STAG1: variants seen among roughly 807,000 people sequenced by gnomAD.
STAG1 encodes the protein cohesin subunit SA-1.
A neutral mutation model predicts 170.9 loss-of-function variants in STAG1; 26 were observed. The ratio of observed to expected loss-of-function variants is 0.15; its 90% confidence interval spans 0.11 to 0.21. STAG1 has a LOEUF of 0.21. Among genes scored for constraint, STAG1 ranks in the 10% least tolerant of loss-of-function variants. The pLI, the probability that STAG1 is intolerant of heterozygous loss-of-function variation, is 1.00. For missense variants in STAG1, 964 were observed against 1,509.5 expected, an observed-to-expected ratio of 0.64 and a Z score of 5.99; for synonymous variants, 514 against 497.7, an observed-to-expected ratio of 1.03 and a Z score of -0.44.
At chr3:136,617,104 G>A (rs1351855871) in intron 3 of STAG1, among the ~76,000 whole-genome samples, 1 of 152,114 alleles carries the variant, frequency 6.6e-6, no homozygotes, top group Non-Finnish European at 1.5e-5. Context: ...AACAGTTCAT[G>A]TCAGCATGGT....
chr3:136,403,991 C>A (rs2087410565), intron 21 of STAG1, among the ~76,000 whole-genome samples: 1 of 152,174 alleles, frequency 6.6e-6, no homozygotes, highest in South Asian at 2.1e-4. Flanking sequence ...AATTCTATAA[C>A]AATATAGCTT....
chr3:136,489,320 T>C (rs2090077380), intron 9 of STAG1, among the ~76,000 whole-genome samples: 1 of 152,210 alleles, frequency 6.6e-6, no homozygotes, highest in Non-Finnish European at 1.5e-5. Context: ...TCTCAGCAGA[T>C]GGAAGTTTAA....
chr3:136,619,218 G>A (rs1434105458), intron 3 of STAG1, among the ~76,000 whole-genome samples: 10 of 150,914 alleles, frequency 6.6e-5, no homozygotes, highest in Non-Finnish European at 1.0e-4. Flanking sequence ...AGGGCAGGGG[G>A]TGGGGCAGTG....
intron 22 of STAG1, among the ~76,000 whole-genome samples, chr3:136,386,866 A>C (rs1182156807): frequency 6.6e-6 from 1 of 152,240 alleles, no homozygotes; most frequent in Non-Finnish European, 1.5e-5. Context: ...GGAAAAACTA[A>C]TTAGTAAACA....
chr3:136,551,715 C>T (rs980034263), intron 5 of STAG1, among the ~76,000 whole-genome samples: 1 of 151,846 alleles, frequency 6.6e-6, no homozygotes, highest in African/African-American at 2.4e-5. Flanking sequence ...TGGCCACCTC[C>T]CACCCAGCCT....
chr3:136,447,961 G>A (rs993613816), intron 14 of STAG1, among the ~76,000 whole-genome samples: 5 of 152,146 alleles, frequency 3.3e-5, no homozygotes, highest in African/African-American at 9.6e-5. Flanking sequence ...ACTACCTCTA[G>A]GGAAATCCAG....
At chr3:136,714,632 G>A (rs1943470794) in intron 1 of STAG1, among the ~76,000 whole-genome samples, 1 of 151,872 alleles carries the variant, frequency 6.6e-6, no homozygotes, top group African/African-American at 2.4e-5. Flanking sequence ...GGAGGCTGAG[G>A]CAGGAGAATG....
At chr3:136,457,896 G>C (rs1232654626) in intron 13 of STAG1, among the ~76,000 whole-genome samples, 1 of 151,966 alleles carries the variant, frequency 6.6e-6, no homozygotes, top group Non-Finnish European at 1.5e-5. Flanking sequence ...AGGAGTTTGA[G>C]ACCAGCCTGG....
intron 13 of STAG1, among the ~76,000 whole-genome samples, chr3:136,453,737 C>A: frequency 6.7e-6 from 1 of 149,734 alleles, no homozygotes. Flanking sequence ...TATACTGTTG[C>A]TGGTTATAAA....
chr3:136,519,709 C>A (rs563625117), intron 7 of STAG1, among the ~76,000 whole-genome samples: 3 of 151,794 alleles, frequency 2.0e-5, no homozygotes, highest in Admixed American at 1.3e-4. Flanking sequence ...AAAAAAAAGT[C>A]TAACATTATA....
Position 136,443,358 on chromosome 3 carries a change from G to A in STAG1, c.1475C>T (p.Ser492Phe). Residue 492 changes from serine (S) to phenylalanine (F), a missense_variant, in exon 15 of 34, where the codon TCT (serine) becomes TTT (phenylalanine). Coordinates refer to ENST00000383202, the MANE Select transcript of STAG1 (RefSeq NM_005862.3). ...TTCCCAGTCTTTCAACAGTTCTTGA[G>A]AGCTCTCCCATAAACTGTCCACCAA... is the stretch of plus-strand genomic sequence containing the variant. ...AYLVDSLWES[S>F]QELLKDWECM... The A allele has an allele frequency of 1.2e-6, 2 of 1,613,850 alleles. No homozygotes were observed. Among genetic ancestry groups the A allele is most frequent in the Non-Finnish European group, 1.7e-6 (2 of 1,179,944 alleles).
At chr3:136,492,795 T>C (rs1350486594) in intron 9 of STAG1, among the ~76,000 whole-genome samples, 1 of 152,190 alleles carries the variant, frequency 6.6e-6, no homozygotes, top group Non-Finnish European at 1.5e-5. Context: ...AACAAGAAAG[T>C]AAATTAGAAG....
chr3:136,702,599 T>G (rs1332505321), intron 1 of STAG1, among the ~76,000 whole-genome samples: 1 of 152,036 alleles, frequency 6.6e-6, no homozygotes, highest in Non-Finnish European at 1.5e-5. Context: ...TCGGCCAGGC[T>G]AGTCTCGAAC....
intron 9 of STAG1, among the ~76,000 whole-genome samples, chr3:136,497,194 G>A (rs946926920): frequency 3.3e-5 from 5 of 151,774 alleles, no homozygotes; most frequent in African/African-American, 4.8e-5. Flanking sequence ...CAAACTCACC[G>A]AGAAAATTAA....
At chr3:136,401,552 G>A (rs558989943) in intron 21 of STAG1, among the ~76,000 whole-genome samples, 146 of 152,150 alleles carry the variant, frequency 9.6e-4, no homozygotes, top group African/African-American at 3.1e-3. Flanking sequence ...GCTTAAGTTT[G>A]GGAATTCTAT....
chr3:136,448,293 C>T (rs533305650), intron 14 of STAG1, among the ~76,000 whole-genome samples: 2 of 152,216 alleles, frequency 1.3e-5, no homozygotes, highest in East Asian at 3.9e-4. Context: ...TCTCATGCTG[C>T]TAATAAAGAC....
At chr3:136,376,012 T>TA (rs1553796066) in intron 23 of STAG1, among the ~76,000 whole-genome samples, 1 of 14,186 alleles carries the variant, frequency 7.0e-5, no homozygotes, top group African/African-American at 2.4e-4. Context: ...AAATAAATAA[T>TA]TAACAAAATA....
At chr3:136,526,487 G>A (rs1935038696) in intron 6 of STAG1, among the ~76,000 whole-genome samples, 1 of 152,126 alleles carries the variant, frequency 6.6e-6, no homozygotes. Context: ...GCCTACGTGT[G>A]TCTCTGCACT....
intron 1 of STAG1, among the ~76,000 whole-genome samples, chr3:136,702,851 C>T (rs889531056): frequency 5.9e-5 from 9 of 151,918 alleles, no homozygotes; most frequent in East Asian, 5.9e-4. Flanking sequence ...GGGCAGATCA[C>T]GAGGTCAGGA....
Sources: allele counts gnomAD v4.1 joint callset (sites outside exome capture counted in the v4.1 genomes callset), GRCh38; gene constraint gnomAD v4.1.1; transcripts MANE v1.5; gene names NCBI Gene and HGNC (gene_info 2026-07-23, HGNC 2026-07-21).